The following CNGB1 variants were observed in gnomAD, a reference collection of about 807,000 sequenced individuals.
CNGB1 encodes the protein cyclic nucleotide-gated channel beta-1.
A neutral mutation model predicts 151.7 loss-of-function variants in CNGB1; 126 were observed. The ratio of observed to expected loss-of-function variants is 0.83; its 90% CI spans 0.72 to 0.96. The LOEUF (loss-of-function observed/expected upper bound fraction) is 0.96. Ranked by LOEUF, CNGB1 falls within the 40% of genes least tolerant of loss-of-function variation. The pLI, the probability that CNGB1 is intolerant of heterozygous loss-of-function variation, is 0.00. For synonymous variants in CNGB1, 623 were observed against 635.1 expected, an observed-to-expected ratio of 0.98 and a Z score of 0.29; for missense variants, 1,698 against 1,627.0, an observed-to-expected ratio of 1.04 and a Z score of -0.75.
intron 18 of CNGB1, 49 bp downstream of exon 18, chr16:57,923,224 C>A: frequency 2.2e-6 from 3 of 1,337,120 alleles, no homozygotes; most frequent in Non-Finnish European, 3.2e-6. Context: ...CCACATCCCC[C>A]ACCCTCCCCG....
intron 19 of CNGB1, among the ~76,000 whole-genome samples, chr16:57,920,157 G>T (rs1303019728): frequency 6.6e-6 from 1 of 152,216 alleles, no homozygotes; most frequent in Non-Finnish European, 1.5e-5. Context: ...TGCCCCATGG[G>T]AGAGAGGGCC....
At chr16:57,934,788 C>G (rs141594228) in intron 16 of CNGB1, among the ~76,000 whole-genome samples, 2,824 of 152,230 alleles carry the variant, frequency 0.019, 41 homozygotes, top group South Asian at 0.053. Flanking sequence ...GAAACTCCAT[C>G]TCTACTAAAA....
chr16:57,883,887 G>C lies in CNGB1; in HGVS notation c.*277C>G, dbSNP rs1320099749. 1 of 567,482 alleles carries C rather than the reference G, an allele frequency of 1.8e-6. No homozygotes were observed. Among genetic ancestry groups the C allele is most frequent in the Non-Finnish European group, 3.1e-6 (1 of 318,546 alleles). The allele number at this position is 567,482 out of a possible 1,614,324, so 35.2% of individuals were successfully genotyped here. A position where few individuals can be genotyped will look rare whatever the true frequency, so the allele number is the denominator to read the frequency against. Reference sequence around the variant, plus strand: ...AAAATCATTTTGTTCTTAAAAAGAGGAACAGTCAGGAAAAGGTAGGGCTCT... The same window carrying C: ...AAAATCATTTTGTTCTTAAAAAGAGCAACAGTCAGGAAAAGGTAGGGCTCT... On this transcript the variant is annotated 3_prime_UTR_variant, in exon 33 of 33. Coordinates refer to ENST00000251102, the MANE Select transcript of CNGB1 (RefSeq NM_001297.5).
chr16:57,960,783 G>T, intron 8 of CNGB1, 57 bp downstream of exon 8: 2 of 1,572,950 alleles, frequency 1.3e-6, no homozygotes, highest in African/African-American at 1.3e-5. Context: ...GTCCCTCCTG[G>T]GGCCCCAGAA....
chr16:57,968,499 A>AAATAAT (rs1381186296), intron 1 of CNGB1, among the ~76,000 whole-genome samples: 1 of 151,958 alleles, frequency 6.6e-6, no homozygotes, highest in Non-Finnish European at 1.5e-5. Flanking sequence ...CCTGTCTCAA[A>AAATAAT]AATAATAATA....
intron 14 of CNGB1, among the ~76,000 whole-genome samples, chr16:57,946,001 G>A (rs959492501): frequency 6.6e-6 from 1 of 152,136 alleles, no homozygotes; most frequent in African/African-American, 2.4e-5. Flanking sequence ...CTGTCTAGGG[G>A]CCATGTTACC....
chr16:57,950,236 CATGGGAGAAGGATGG>C, intron 13 of CNGB1, 130 bp downstream of exon 13: 1 of 956,666 alleles, frequency 1.0e-6, no homozygotes, highest in Non-Finnish European at 1.6e-6. Flanking sequence ...CCATTCTACC[CATGGGAGAAGGATGG>C]CTGTATGAAG....
intron 24 of CNGB1, 46 bp downstream of exon 24, chr16:57,912,884 A>G: frequency 6.3e-7 from 1 of 1,581,972 alleles, no homozygotes; most frequent in Non-Finnish European, 8.7e-7. Context: ...TGTGTTTGTG[A>G]GTGTCATGTG....
chr16:57,922,193 A>C (rs1961055196), intron 18 of CNGB1, among the ~76,000 whole-genome samples: 3 of 152,132 alleles, frequency 2.0e-5, no homozygotes, highest in Admixed American at 2.0e-4. Context: ...AGAAAAAAAG[A>C]CTGGAAGGAA....
In CNGB1 at chr16:57,940,341, G is replaced by A. The variant is rs1442136933; in HGVS notation, c.1122-20C>T. 2 of 1,561,236 alleles carry A rather than the reference G, an allele frequency of 1.3e-6. No homozygotes were observed. The highest frequency in any genetic ancestry group is 4.7e-5 in the East Asian group (2 of 42,338). On this transcript the variant is annotated intron_variant, in intron 14 of 32. Transcript: ENST00000251102. The stretch of plus-strand genomic sequence containing the variant: ...AGCACCCTGTGACCCGGGGCGGGGT[G>A]GGGAGGATAAAAGGACTGGGTTAGG...
At chr16:57,912,317 G>A in intron 24 of CNGB1, among the ~76,000 whole-genome samples, 1 of 152,192 alleles carries the variant, frequency 6.6e-6, no homozygotes, top group Non-Finnish European at 1.5e-5. Context: ...GCTGGCTGGG[G>A]GCTCCAGTTC....
rs748795292 is a variant in CNGB1 at position 57,904,100 on chromosome 16, G to A, written c.2635-119C>T. Reference sequence around the variant, plus strand: ...CACGGGCATGTGCTCCTGGCAGGGCGTTGGGAGGGGGGTAGGCAGATGTCC... The same window carrying A: ...CACGGGCATGTGCTCCTGGCAGGGCATTGGGAGGGGGGTAGGCAGATGTCC... On this transcript the variant is annotated intron_variant, in intron 26 of 32. Coordinates refer to ENST00000251102, the MANE Select transcript of CNGB1 (RefSeq NM_001297.5). The A allele has an allele frequency of 9.6e-6, 8 of 834,440 alleles. No homozygotes were observed. In the Admixed American group the frequency reaches 1.4e-4, roughly 15 times the overall value. 51.7% of individuals were successfully genotyped at this position (834,440 alleles called of 1,614,324 possible).
chr16:57,959,755 T>A (rs535606161), intron 10 of CNGB1, 133 bp downstream of exon 10: 1 of 1,142,780 alleles, frequency 8.8e-7, no homozygotes, highest in Non-Finnish European at 1.2e-6. Context: ...GAAGCTGATG[T>A]GGCTGCCTTG....
intron 31 of CNGB1, among the ~76,000 whole-genome samples, chr16:57,890,908 C>A (rs891406774): frequency 2.0e-5 from 3 of 152,244 alleles, no homozygotes; most frequent in Non-Finnish European, 4.4e-5. Flanking sequence ...CCCATTCCCA[C>A]GCCCCCCCAT....
At chr16:57,911,111 T>C (rs1317335721) in intron 25 of CNGB1, among the ~76,000 whole-genome samples, 1 of 152,092 alleles carries the variant, frequency 6.6e-6, no homozygotes, top group Non-Finnish European at 1.5e-5. Context: ...CCTCATTCCC[T>C]CTTGGCCATG....
chr16:57,948,523 G>A (rs980115914), intron 14 of CNGB1, among the ~76,000 whole-genome samples: 13 of 151,810 alleles, frequency 8.6e-5, no homozygotes, highest in South Asian at 6.2e-4. Flanking sequence ...GCTCACTGGT[G>A]CCTCCTCCTC....
Position 57,901,665 on chromosome 16 carries a change from G to T in CNGB1, c.2795-40C>A, listed in dbSNP as rs1288434869. Reference sequence around the variant, plus strand: ...TGGCAAGGGTCAGAGGCAAGGCCGGGCCCCACCCCAGACATACATACCGGC... The same window carrying T: ...TGGCAAGGGTCAGAGGCAAGGCCGGTCCCCACCCCAGACATACATACCGGC... On this transcript the variant is annotated intron_variant, in intron 27 of 32. Coordinates refer to ENST00000251102, the MANE Select transcript of CNGB1 (RefSeq NM_001297.5). The T allele has an allele frequency of 1.7e-5, 26 of 1,563,814 alleles. No homozygotes were observed. In the Admixed American group the frequency reaches 3.4e-4, roughly 20 times the overall value.
At chr16:57,942,044 G>C (rs1264042727) in intron 14 of CNGB1, among the ~76,000 whole-genome samples, 1 of 151,906 alleles carries the variant, frequency 6.6e-6, no homozygotes, top group African/African-American at 2.4e-5. Flanking sequence ...GTTTGGTTTG[G>C]TTTGGTTTGG....
chr16:57,921,527 T>C (rs1033438413), intron 18 of CNGB1, among the ~76,000 whole-genome samples: 8 of 152,072 alleles, frequency 5.3e-5, no homozygotes, highest in African/African-American at 1.4e-4. Flanking sequence ...CGGCCAAGTG[T>C]GGGGCTCCTA....
Sources: gnomAD v4.1 joint callset for allele counts (sites outside exome capture counted in the v4.1 genomes callset) on GRCh38, gnomAD v4.1.1 for gene constraint, MANE v1.5 for transcripts, NCBI Gene and HGNC (gene_info 2026-07-23, HGNC 2026-07-21) for gene names.